PAK2: variants seen among roughly 807,000 people sequenced by gnomAD.
PAK2 encodes the protein serine/threonine-protein kinase PAK 2.
PAK2 carries 21 observed loss-of-function variants against 65.9 expected under a neutral mutation model. The ratio of observed to expected loss-of-function variants is 0.32; its 90% CI spans 0.23 to 0.46. The LOEUF (loss-of-function observed/expected upper bound fraction) is 0.46, where lower values mean the gene tolerates loss of function less well. Among genes scored for constraint, PAK2 ranks in the 20% least tolerant of loss-of-function variants. The pLI is 1.00. For synonymous variants in PAK2, 204 were observed against 219.7 expected (o/e 0.93, Z 0.63); for missense variants, 324 against 642.6 (o/e 0.50, Z 5.36).
chr3:196,759,505 T>TTTTTTTTTG (rs1713885838), intron 1 of PAK2, among the ~76,000 whole-genome samples: 1 of 16,510 alleles, frequency 6.1e-5, no homozygotes, highest in African/African-American at 2.1e-4. Flanking sequence ...TTTGTTTTTT[T>TTTTTTTTTG]TTTTTTTTTT....
intron 1 of PAK2, among the ~76,000 whole-genome samples, chr3:196,748,266 C>T (rs1259181114): frequency 1.3e-5 from 2 of 152,096 alleles, no homozygotes; most frequent in Non-Finnish European, 2.9e-5. Flanking sequence ...TTCTCCAAGC[C>T]TCCTGCTCAT....
intron 1 of PAK2, among the ~76,000 whole-genome samples, chr3:196,756,416 C>G (rs761856317): frequency 2.6e-5 from 4 of 152,128 alleles, no homozygotes; most frequent in Non-Finnish European, 4.4e-5. Flanking sequence ...CCAGTGCGTT[C>G]CACTGGGCCC....
At chr3:196,812,906 A>G (rs771575656) in intron 10 of PAK2, 55 bp downstream of exon 10, 18 of 799,958 alleles carry the variant, frequency 2.3e-5, no homozygotes, top group Non-Finnish European at 3.8e-5. Context: ...TTTAAGTCTC[A>G]TGGTTTCGGG....
At chr3:196,769,977 C>T (rs149151624) in intron 1 of PAK2, among the ~76,000 whole-genome samples, 6 of 152,090 alleles carry the variant, frequency 3.9e-5, no homozygotes, top group Admixed American at 2.0e-4. Flanking sequence ...TTTGTTAGGC[C>T]GGACATGGCA....
chr3:196,798,501 G>A (rs144724386), intron 2 of PAK2, among the ~76,000 whole-genome samples: 91 of 151,988 alleles, frequency 6.0e-4, no homozygotes, highest in African/African-American at 2.1e-3. Flanking sequence ...GCATCACCAC[G>A]CCCGGCTAAT....
At chr3:196,823,572 A>AAACAAAC (rs1560119499) in intron 13 of PAK2, among the ~76,000 whole-genome samples, 1 of 151,302 alleles carries the variant, frequency 6.6e-6, no homozygotes, top group Non-Finnish European at 1.5e-5. Flanking sequence ...AACAAACAAA[A>AAACAAAC]AAAACACCTT....
intron 1 of PAK2, among the ~76,000 whole-genome samples, chr3:196,754,424 C>G (rs1439900887): frequency 2.0e-5 from 3 of 152,130 alleles, no homozygotes; most frequent in African/African-American, 7.2e-5. Context: ...GAAACCGCTT[C>G]TCAGATGTAT....
intron 7 of PAK2, among the ~76,000 whole-genome samples, chr3:196,808,483 C>T (rs149317587): frequency 0.015 from 2,184 of 147,746 alleles, 92 homozygotes; most frequent in Admixed American, 0.096. Flanking sequence ...ATCACTTGAA[C>T]CCGGGAGGCG....
intron 10 of PAK2, among the ~76,000 whole-genome samples, chr3:196,813,365 G>A (rs1393443288): frequency 6.6e-6 from 1 of 151,678 alleles, no homozygotes; most frequent in Admixed American, 6.6e-5. Context: ...GGCTGAGGCA[G>A]GAGAATTGCT....
In PAK2 at chr3:196,832,604, AG is replaced by A. The variant is rs1712127857; in HGVS notation, c.*4200del. On this transcript the variant is annotated 3_prime_UTR_variant, in exon 15 of 15. Transcript: ENST00000327134. ...TTTAAATGTCTTAATAGGTTTTCAA[AG>A]AACATTTAGTATTTTTAGTGATAAA... The A allele has an allele frequency of 6.6e-6, 1 of 152,144 alleles. No individual in the cohort carries two copies. The highest frequency in any genetic ancestry group is 2.4e-5 in the African/African-American group (1 of 41,452). The allele number at this position is 152,144 out of a possible 1,614,324, so 9.4% of individuals were successfully genotyped here.
intron 11 of PAK2, among the ~76,000 whole-genome samples, chr3:196,817,383 C>G (rs1212538562): frequency 6.6e-6 from 1 of 151,838 alleles, no homozygotes; most frequent in Non-Finnish European, 1.5e-5. Flanking sequence ...TGGAGTCTTG[C>G]TCTGTCACCC....
At chr3:196,775,503 C>G (rs1175428945) in intron 1 of PAK2, among the ~76,000 whole-genome samples, 1 of 152,100 alleles carries the variant, frequency 6.6e-6, no homozygotes. Flanking sequence ...CTGCCTCAGC[C>G]TCCCGAGTAG....
chr3:196,820,531 A>G lies in PAK2; in HGVS notation c.1314A>G (p.Glu438=). ...GTATCATGGCTATTGAGATGGTAGA[A>G]GGAGAGCCTCCATACCTCAATGAAA... is the stretch of plus-strand genomic sequence containing the variant. ...SLGIMAIEMV[E]GEPPYLNENP... is the part of the protein sequence containing the mutation. The change falls in exon 13 of 15, where the codon GAA becomes GAG. Residue 438 remains glutamate (E), a synonymous_variant. Transcript: ENST00000327134. The surrounding 1 kb of genome is among the most constrained non-coding windows in gnomAD (Gnocchi z 4.6). 1.2e-6 allele frequency: 2 copies of G among 1,608,916 alleles called. No homozygotes were observed. Among genetic ancestry groups the G allele is most frequent in the South Asian group, 1.1e-5 (1 of 90,588 alleles).
At position 196,825,176 on chromosome 3, in the gene PAK2, C is replaced by T. The variant is rs77293357; in HGVS notation, c.1351-2020C>T. Among the ~76,000 whole-genome samples, 60 of 148,432 alleles carry T rather than the reference C, an allele frequency of 4.0e-4. 1 individual carries two copies. The highest frequency in any genetic ancestry group is 1.2e-3 in the African/African-American group (47 of 40,122). ...GCCTGGCCAATGTGGTGAAACCCCA[C>T]CTCTACTAAAAATACAAAAATTAGT... On this transcript the variant is annotated intron_variant, in intron 13 of 14. Coordinates refer to ENST00000327134, the MANE Select transcript of PAK2 (RefSeq NM_002577.4).
intron 10 of PAK2, 150 bp from the exon 11 acceptor site, chr3:196,814,301 C>G: frequency 1.7e-6 from 1 of 586,840 alleles, no homozygotes; most frequent in Non-Finnish European, 3.0e-6. Context: ...TGTGCTGTTA[C>G]GTAGCAGCTT....
At chr3:196,798,480 A>G (rs183578428) in intron 2 of PAK2, among the ~76,000 whole-genome samples, 56 of 151,816 alleles carry the variant, frequency 3.7e-4, no homozygotes, top group Admixed American at 9.2e-4. Flanking sequence ...AGTAGGTGGG[A>G]TTATAGGCAT....
Position 196,748,504 on chromosome 3 carries a change from C to T in PAK2, c.-22+8347C>T, listed in dbSNP as rs1302425154. Among the ~76,000 whole-genome samples, 5 of 152,170 alleles carry T rather than the reference C, an allele frequency of 3.3e-5. No individual in the cohort carries two copies. In the South Asian group the frequency reaches 8.3e-4, roughly 25 times the overall value. Reference sequence around the variant, plus strand: ...TGTTCCTCCCACTTTTACTGCAACCCCTGGCAACCGCTGATCCTTTTACTA... The same window carrying T: ...TGTTCCTCCCACTTTTACTGCAACCTCTGGCAACCGCTGATCCTTTTACTA... On this transcript the variant is annotated intron_variant, in intron 1 of 14. Transcript: ENST00000327134.
At chr3:196,766,409 C>A (rs901863674) in intron 1 of PAK2, among the ~76,000 whole-genome samples, 1 of 152,024 alleles carries the variant, frequency 6.6e-6, no homozygotes, top group African/African-American at 2.4e-5. Flanking sequence ...ATTATAGATA[C>A]CATAATCTCT....
intron 1 of PAK2, 47 bp from the exon 2 acceptor site, chr3:196,782,579 C>T (rs940893891): frequency 3.5e-5 from 30 of 854,032 alleles, no homozygotes; most frequent in Admixed American, 1.5e-4. Flanking sequence ...TTTGCTTGTT[C>T]GTGCTATTTT....
Sources: allele counts gnomAD v4.1 joint callset (sites outside exome capture counted in the v4.1 genomes callset), GRCh38; gene constraint gnomAD v4.1.1; non-coding constraint Gnocchi (gnomAD v3.1); transcripts MANE v1.5; gene names NCBI Gene and HGNC (gene_info 2026-07-23, HGNC 2026-07-21).